Variants in ATP10B observed in about 807,000 individuals in gnomAD.
ATP10B encodes the protein phospholipid-transporting ATPase VB.
ATP10B carries 122 observed loss-of-function variants against 141.2 expected under a neutral mutation model. That is an observed-to-expected ratio of 0.86 (90% CI 0.75 to 1.00). ATP10B has a LOEUF of 1.00. Ranked by LOEUF, ATP10B falls within the 50% of genes least tolerant of loss-of-function variation. ATP10B has a pLI of 0.00. For missense variants in ATP10B, 1,876 were observed against 1,825.3 expected, an observed-to-expected ratio of 1.03 and a Z score of -0.51; for synonymous variants, 685 against 692.0, an observed-to-expected ratio of 0.99 and a Z score of 0.16.
rs1002341105 is a variant in ATP10B, at chr5:160,685,171, C to A, written c.470+908G>T. ...AAAGAGCAAGTTAGAGACCACTACT[C>A]GCTTCTTGTCTTCTTTTCTTTTCCA... On this transcript the variant is annotated intron_variant, in intron 6 of 25. Transcript: ENST00000327245. 4 of 642,950 alleles carry A rather than the reference C, an allele frequency of 6.2e-6. No individual in the cohort carries two copies. The African/African-American group carries it at 7.3e-5, about 12-fold the overall frequency. The allele number at this position is 642,950 out of a possible 1,614,324, so 39.8% of individuals were successfully genotyped here. A position where few individuals can be genotyped will look rare whatever the true frequency, so the allele number is the denominator to read the frequency against.
chr5:160,819,042 TA>T (rs1351350877), intron 1 of ATP10B, among the ~76,000 whole-genome samples: 1 of 152,130 alleles, frequency 6.6e-6, no homozygotes, highest in Non-Finnish European at 1.5e-5. Context: ...GAGATATACC[TA>T]ATGCTAATGA....
At chr5:160,728,206 G>A (rs550247683) in intron 2 of ATP10B, among the ~76,000 whole-genome samples, 19 of 151,814 alleles carry the variant, frequency 1.3e-4, no homozygotes, top group Middle Eastern at 3.4e-3. Context: ...ACTGCCTACC[G>A]TCTCTTCTTC....
chr5:160,644,090 G>A (rs1237451216), intron 9 of ATP10B, 48 bp downstream of exon 9: 1 of 1,487,138 alleles, frequency 6.7e-7, no homozygotes, highest in Non-Finnish European at 9.4e-7. Flanking sequence ...ATTTGGAGGG[G>A]GAAGGATAAA....
At chr5:160,720,205 G>A (rs543834702) in intron 2 of ATP10B, among the ~76,000 whole-genome samples, 16 of 152,188 alleles carry the variant, frequency 1.1e-4, no homozygotes, top group African/African-American at 3.4e-4. Context: ...TATGCTTATG[G>A]CAACTCTTTG....
At chr5:160,902,174 T>C in the ATP10B span, among the ~76,000 whole-genome samples, 1 of 152,214 alleles carries the variant, frequency 6.6e-6, no homozygotes, top group African/African-American at 2.4e-5. Flanking sequence ...ATGGTAGTTT[T>C]ATAGAAGTCA....
the ATP10B span, among the ~76,000 whole-genome samples, chr5:160,926,623 C>G: frequency 6.6e-6 from 1 of 152,148 alleles, no homozygotes; most frequent in Non-Finnish European, 1.5e-5. Flanking sequence ...GACGTAAGTG[C>G]AATAAGGGAC....
At chr5:160,722,143 A>T (rs1255572667) in intron 2 of ATP10B, among the ~76,000 whole-genome samples, 1 of 152,226 alleles carries the variant, frequency 6.6e-6, no homozygotes, top group African/African-American at 2.4e-5. Context: ...CACATTTCAG[A>T]TAGCCCACGG....
the ATP10B span, among the ~76,000 whole-genome samples, chr5:160,920,361 A>G: frequency 1.3e-5 from 2 of 152,222 alleles, no homozygotes; most frequent in East Asian, 1.9e-4. Flanking sequence ...CTTATTTTAT[A>G]TTAGGAAGAA....
chr5:160,693,403 AACACACACACACACACACACACACAC>A (rs3075585), intron 3 of ATP10B, among the ~76,000 whole-genome samples: 8 of 125,612 alleles, frequency 6.4e-5, no homozygotes, highest in Admixed American at 4.2e-4. Context: ...TGGGTCAGAA[AACACACACACACACACACACACACAC>A]ACACACACAC....
intron 1 of ATP10B, among the ~76,000 whole-genome samples, chr5:160,788,891 G>T (rs1361506643): frequency 6.6e-6 from 1 of 152,102 alleles, no homozygotes; most frequent in Non-Finnish European, 1.5e-5. Flanking sequence ...GATGAATATA[G>T]AAACAGTTAG....
rs746460363 is a variant in ATP10B, at chr5:160,687,887, G to C, written c.188C>G (p.Ser63Cys). 6.2e-7 allele frequency: 1 copy of C among 1,614,164 alleles called. No homozygotes were observed. Among genetic ancestry groups the C allele is most frequent in the South Asian group, 1.1e-5 (1 of 91,078 alleles). The change falls in exon 5 of 26, where the codon TCC becomes TGC. Residue 63 changes from serine to cysteine, a missense_variant. Ser to Cys is a moderately radical substitution (Grantham distance 112). Transcript: ENST00000327245. ...SIFHQDWEEV[S>C]RRYPGNRTCT... Reference sequence around the variant, plus strand: ...GGTTCTGTTGCCAGGGTATCTCCTGGAGACCTCTTCCCAATCTTGATGGAA... The same window carrying C: ...GGTTCTGTTGCCAGGGTATCTCCTGCAGACCTCTTCCCAATCTTGATGGAA...
the ATP10B span, among the ~76,000 whole-genome samples, chr5:160,909,943 C>T: frequency 1.3e-5 from 2 of 152,162 alleles, no homozygotes; most frequent in African/African-American, 4.8e-5. Context: ...ATTTCCAAAA[C>T]CATGGAGTGT....
At chr5:160,669,600 G>GTC in intron 7 of ATP10B, among the ~76,000 whole-genome samples, 1 of 135,384 alleles carries the variant, frequency 7.4e-6, no homozygotes, top group Non-Finnish European at 1.6e-5. Context: ...CTGAGAGCCA[G>GTC]TCTCTCTCTT....
intron 2 of ATP10B, among the ~76,000 whole-genome samples, chr5:160,731,357 C>T (rs1292545515): frequency 6.6e-6 from 1 of 152,156 alleles, no homozygotes; most frequent in Non-Finnish European, 1.5e-5. Flanking sequence ...GAATTTGGTT[C>T]TGCATGGGGG....
At chr5:160,924,343 TTAAG>T in the ATP10B span, among the ~76,000 whole-genome samples, 1 of 152,236 alleles carries the variant, frequency 6.6e-6, no homozygotes. Context: ...TGTGTGCTCC[TTAAG>T]TTTCAGTTTC....
intron 1 of ATP10B, among the ~76,000 whole-genome samples, chr5:160,793,568 A>G (rs1771742423): frequency 6.6e-6 from 1 of 152,224 alleles, no homozygotes; most frequent in Non-Finnish European, 1.5e-5. Flanking sequence ...AATGGAGTGA[A>G]AAATTTCTGT....
At chr5:160,833,431 TGACTC>T (rs1775225214) in intron 1 of ATP10B, among the ~76,000 whole-genome samples, 1 of 152,176 alleles carries the variant, frequency 6.6e-6, no homozygotes, top group Non-Finnish European at 1.5e-5. Flanking sequence ...ATGATTAGAT[TGACTC>T]AACTCTCCAC....
At chr5:160,588,518 A>C (rs921872685) in intron 24 of ATP10B, among the ~76,000 whole-genome samples, 7 of 152,204 alleles carry the variant, frequency 4.6e-5, no homozygotes, top group African/African-American at 1.7e-4. Context: ...GGCTAAGGAC[A>C]CATCTTTCTG....
intron 1 of ATP10B, among the ~76,000 whole-genome samples, chr5:160,815,926 G>A (rs1463578400): frequency 2.6e-5 from 4 of 151,980 alleles, no homozygotes; most frequent in South Asian, 2.1e-4. Context: ...GGTACATAAC[G>A]AAATGAAGGC....
Sources: allele counts gnomAD v4.1 joint callset (sites outside exome capture counted in the v4.1 genomes callset), GRCh38; gene constraint gnomAD v4.1.1; transcripts MANE v1.5; gene names NCBI Gene and HGNC (gene_info 2026-07-23, HGNC 2026-07-21).